The following THSD7B variants were observed in gnomAD, a reference collection of about 807,000 sequenced individuals.
THSD7B encodes thrombospondin type 1 domain containing 7B, also known as thrombospondin type-1 domain-containing protein 7B.
Under a neutral mutation model 213.6 loss-of-function variants are expected in THSD7B, and 138 were observed. That is an observed-to-expected ratio of 0.65 (90% confidence interval 0.56 to 0.74). The LOEUF is 0.74. Among genes scored for constraint, THSD7B ranks in the 30% least tolerant of loss-of-function variants. The probability of loss-of-function intolerance (pLI) is 0.00; values close to 1 mark genes in which losing one functional copy is unlikely to be tolerated. For missense variants in THSD7B, 1,931 were observed against 1,991.5 expected, an observed-to-expected ratio of 0.97 and a Z score of 0.58; for synonymous variants, 742 against 687.0, an observed-to-expected ratio of 1.08 and a Z score of -1.25.
intron 15 of THSD7B, among the ~76,000 whole-genome samples, chr2:137,542,151 A>T (rs1203266441): frequency 6.6e-6 from 1 of 151,732 alleles, no homozygotes; most frequent in Non-Finnish European, 1.5e-5. Flanking sequence ...ACCTAGATGC[A>T]TCTTAATAAA....
intron 15 of THSD7B, among the ~76,000 whole-genome samples, chr2:137,561,568 G>C (rs1025479605): frequency 4.6e-5 from 7 of 152,154 alleles, no homozygotes; most frequent in Non-Finnish European, 1.0e-4. Flanking sequence ...TTCAGATGAT[G>C]AAAACATAAA....
intron 1 of THSD7B, among the ~76,000 whole-genome samples, chr2:136,833,722 A>G (rs917642536): frequency 2.0e-5 from 3 of 152,184 alleles, no homozygotes; most frequent in Admixed American, 6.5e-5. Flanking sequence ...CAAGTAGAAT[A>G]ATTTAGACCA....
At chr2:137,264,987 G>A (rs886490522) in intron 10 of THSD7B, among the ~76,000 whole-genome samples, 3 of 151,158 alleles carry the variant, frequency 2.0e-5, no homozygotes, top group African/African-American at 4.9e-5. Context: ...CTCCCCCCAC[G>A]CCACAACAGT....
chr2:137,278,809 C>T (rs1451939562), intron 12 of THSD7B, among the ~76,000 whole-genome samples: 2 of 152,024 alleles, frequency 1.3e-5, no homozygotes, highest in Admixed American at 6.6e-5. Context: ...GGTATAAAAG[C>T]ACTTATCCGG....
At position 137,216,280 on chromosome 2, in the gene THSD7B, C is replaced by T. The variant is rs12464882; in HGVS notation, c.1724-14764C>T. ...TCCCTGACCCCTGCCCCCCGCCCCC[C>T]ACCCCCCTGCATTATGATAACTGAA... is the stretch of plus-strand genomic sequence containing the variant. On this transcript the variant is annotated intron_variant, in intron 7 of 27. Transcript: ENST00000409968. Among the ~76,000 whole-genome samples the T allele has an allele frequency of 1.1e-3, 74 of 64,688 alleles. 1 individual carries two copies. The highest frequency in any genetic ancestry group is 3.4e-4 in the East Asian group (1 of 2,982). The allele number at this position is 64,688 out of a possible 152,430, so 42.4% of individuals were successfully genotyped here.
At chr2:137,327,821 T>C (rs1684406276) in intron 12 of THSD7B, among the ~76,000 whole-genome samples, 1 of 152,250 alleles carries the variant, frequency 6.6e-6, no homozygotes, top group Non-Finnish European at 1.5e-5. Flanking sequence ...TATTAATTAA[T>C]TATTGTAAAG....
At chr2:137,096,655 T>C (rs1291415531) in intron 4 of THSD7B, among the ~76,000 whole-genome samples, 2 of 152,360 alleles carry the variant, frequency 1.3e-5, no homozygotes, top group Non-Finnish European at 2.9e-5. Context: ...AAAACACTAA[T>C]TTTGGAGTAA....
rs1317508585 is a variant in THSD7B, at chr2:137,676,664, C to T, written c.*59C>T. On this transcript the variant is annotated 3_prime_UTR_variant, in exon 28 of 28. Coordinates refer to ENST00000409968, the MANE Select transcript of THSD7B (RefSeq NM_001316349.2). ...GCCTTAACCGCTTTCTCTTTTGTAG[C>T]TCTCAGACTTCTCAGTTTTTTGAGG... is the stretch of plus-strand genomic sequence containing the variant. 2 of 1,421,444 alleles carry T rather than the reference C, an allele frequency of 1.4e-6. No homozygotes were observed. Among genetic ancestry groups the T allele is most frequent in the East Asian group, 5.1e-5 (2 of 39,552 alleles). The allele number at this position is 1,421,444 out of a possible 1,614,324, so 88.1% of individuals were successfully genotyped here. A position where few individuals can be genotyped will look rare whatever the true frequency, so the allele number is the denominator to read the frequency against.
chr2:137,434,174 T>G (rs1004815276), intron 14 of THSD7B, among the ~76,000 whole-genome samples: 4 of 152,192 alleles, frequency 2.6e-5, no homozygotes, highest in African/African-American at 9.7e-5. Context: ...TAATCAACAT[T>G]GTTTGGGTAG....
intron 7 of THSD7B, among the ~76,000 whole-genome samples, chr2:137,204,358 A>G (rs1680940196): frequency 6.6e-6 from 1 of 152,108 alleles, no homozygotes; most frequent in Admixed American, 6.6e-5. Flanking sequence ...GAAGAGAACT[A>G]TGCTATATAT....
chr2:137,116,575 C>T (rs912455754), intron 5 of THSD7B, among the ~76,000 whole-genome samples: 2 of 152,180 alleles, frequency 1.3e-5, no homozygotes, highest in African/African-American at 4.8e-5. Flanking sequence ...TTATGACCTA[C>T]CTATTTTTCA....
At chr2:137,233,260 T>C (rs1396563276) in intron 9 of THSD7B, 127 bp downstream of exon 9, 4 of 848,166 alleles carry the variant, frequency 4.7e-6, no homozygotes, top group Non-Finnish European at 7.2e-6. Context: ...GTTGTTGCTG[T>C]TTGACCATTA....
intron 2 of THSD7B, among the ~76,000 whole-genome samples, chr2:136,988,972 A>G (rs550856942): frequency 6.6e-6 from 1 of 152,362 alleles, no homozygotes; most frequent in African/African-American, 2.4e-5. Flanking sequence ...GAGTAGATAA[A>G]TACAGTAAAT....
intron 4 of THSD7B, among the ~76,000 whole-genome samples, chr2:137,109,014 C>G (rs1311631329): frequency 3.3e-5 from 5 of 152,134 alleles, no homozygotes; most frequent in Non-Finnish European, 7.4e-5. Context: ...TCCATCACTA[C>G]TCTCTCTCAT....
At chr2:137,055,575 A>G (rs1687148234) in intron 2 of THSD7B, among the ~76,000 whole-genome samples, 1 of 152,220 alleles carries the variant, frequency 6.6e-6, no homozygotes, top group Non-Finnish European at 1.5e-5. Flanking sequence ...ATAAACGTCA[A>G]TGGGCAGCTC....
At chr2:136,900,966 C>G (rs973120967) in intron 2 of THSD7B, among the ~76,000 whole-genome samples, 7 of 152,142 alleles carry the variant, frequency 4.6e-5, no homozygotes, top group Non-Finnish European at 1.0e-4. Flanking sequence ...ATACAAATCT[C>G]TATTGTAAGG....
chr2:137,676,548 C>G lies in THSD7B; in HGVS notation c.4764C>G (p.Ser1588Arg). 6.3e-7 allele frequency: 1 copy of G among 1,597,616 alleles called. No homozygotes were observed. The change falls in exon 28 of 28, where the codon AGC becomes AGG. Residue 1588 changes from serine (S) to arginine (R), a missense_variant. Coordinates refer to ENST00000409968, the MANE Select transcript of THSD7B (RefSeq NM_001316349.2). ...LVCKKPKPHQ[S>R]TPPQQKPLTL... is the part of the protein sequence containing the mutation. ...GCAAGAAGCCAAAACCACATCAAAGCACACCTCCCCAACAGAAGCCTCTGA... is the reference window on the plus strand; with the variant it reads ...GCAAGAAGCCAAAACCACATCAAAGGACACCTCCCCAACAGAAGCCTCTGA...
intron 7 of THSD7B, among the ~76,000 whole-genome samples, chr2:137,207,819 G>T (rs1275051933): frequency 6.6e-6 from 1 of 152,002 alleles, no homozygotes; most frequent in African/African-American, 2.4e-5. Context: ...ACTGATCTCT[G>T]CTTATATTAT....
chr2:136,916,510 T>C (rs886580261), intron 2 of THSD7B, among the ~76,000 whole-genome samples: 1 of 152,182 alleles, frequency 6.6e-6, no homozygotes, highest in Non-Finnish European at 1.5e-5. Context: ...GTTTAGAAAT[T>C]CACTCAAAGT....
Sources: gnomAD v4.1 joint callset for allele counts (sites outside exome capture counted in the v4.1 genomes callset) on GRCh38, gnomAD v4.1.1 for gene constraint, MANE v1.5 for transcripts, NCBI Gene and HGNC (gene_info 2026-07-23, HGNC 2026-07-21) for gene names.